SGCD: variants seen among roughly 807,000 people sequenced by gnomAD.
The protein encoded by SGCD is delta-sarcoglycan.
SGCD carries 18 observed loss-of-function variants against 36.6 expected under a neutral mutation model. The ratio of observed to expected loss-of-function variants is 0.49; its 90% CI spans 0.34 to 0.73. The LOEUF (loss-of-function observed/expected upper bound fraction) is 0.73. SGCD is among the 30% of genes least tolerant of loss of function. The probability of loss-of-function intolerance (pLI) is 0.01; values close to 1 mark genes in which losing one functional copy is unlikely to be tolerated. For missense variants in SGCD, 387 were observed against 346.7 expected (o/e 1.12, Z -0.92); for synonymous variants, 133 against 130.6 (o/e 1.02, Z -0.12).
intron 1 of SGCD, among the ~76,000 whole-genome samples, chr5:155,914,191 G>T (rs1410222813): frequency 6.6e-6 from 1 of 152,204 alleles, no homozygotes; most frequent in East Asian, 1.9e-4. Flanking sequence ...GTGGTTTTTA[G>T]GTGTGCCAGG....
chr5:156,023,512 A>G (rs1175171039), intron 1 of SGCD, among the ~76,000 whole-genome samples: 1 of 152,234 alleles, frequency 6.6e-6, no homozygotes, highest in Non-Finnish European at 1.5e-5. Flanking sequence ...TTACTTGTGC[A>G]TCTACTATTG....
rs190326125 is a variant in SGCD, at chr5:156,175,807, A to G, written c.-44+51788A>G. ...TAATATAATTGTGATGGTCCTAATC[A>G]ATAATAACAAAAGTAAATGTGATTA... On this transcript the variant is annotated intron_variant, in intron 3 of 9. Coordinates refer to the SGCD transcript ENST00000517913. Among the ~76,000 whole-genome samples, 455 of 152,240 alleles carry G rather than the reference A, an allele frequency of 3.0e-3. 1 individual carries two copies. The highest frequency in any genetic ancestry group is 0.014 in the Middle Eastern group (4 of 294).
At chr5:156,005,895 C>T (rs1758752931) in intron 1 of SGCD, among the ~76,000 whole-genome samples, 1 of 152,202 alleles carries the variant, frequency 6.6e-6, no homozygotes, top group East Asian at 1.9e-4. Flanking sequence ...GATCCGATGG[C>T]ACAAGCAGTG....
Position 156,237,442 on chromosome 5 carries a change from C to T in SGCD, c.-43-92092C>T, listed in dbSNP as rs547061844. ...GAGTTCTAGACCAGCCTGGCCAACACGGTGAAACCCCCTCTCTACTAAAAA... is the reference window on the plus strand; with the variant it reads ...GAGTTCTAGACCAGCCTGGCCAACATGGTGAAACCCCCTCTCTACTAAAAA... On this transcript the variant is annotated intron_variant, in intron 3 of 9. Transcript: ENST00000517913. Among the ~76,000 whole-genome samples the T allele has an allele frequency of 6.6e-5, 10 of 152,002 alleles. No individual in the cohort carries two copies. The East Asian group carries it at 7.8e-4, about 12-fold the overall frequency.
intron 1 of SGCD, among the ~76,000 whole-genome samples, chr5:155,894,890 G>A (rs1236989058): frequency 2.6e-5 from 4 of 152,102 alleles, no homozygotes; most frequent in African/African-American, 7.2e-5. Context: ...CACGATAAAC[G>A]TAATGTGCTT....
chr5:156,601,036 T>G (rs566697525), intron 6 of SGCD, among the ~76,000 whole-genome samples: 2 of 152,334 alleles, frequency 1.3e-5, no homozygotes, highest in African/African-American at 4.8e-5. Context: ...TCCTTTTGTA[T>G]TCTAGATATT....
At chr5:155,860,010 T>C in the SGCD span, among the ~76,000 whole-genome samples, 1 of 152,204 alleles carries the variant, frequency 6.6e-6, no homozygotes, top group Non-Finnish European at 1.5e-5. Flanking sequence ...TATCAGGACA[T>C]CTCTAGAGGC....
the SGCD span, among the ~76,000 whole-genome samples, chr5:155,818,287 A>G: frequency 1.3e-5 from 2 of 152,120 alleles, no homozygotes; most frequent in Admixed American, 1.3e-4. Context: ...AGGAGATTCT[A>G]GTAGGCAGCA....
Position 156,242,312 on chromosome 5 carries a change from C to CAGGATTAA in SGCD, c.-43-87218_-43-87211dup, listed in dbSNP as rs768587747. Among the ~76,000 whole-genome samples the CAGGATTAA allele has an allele frequency of 3.7e-4, 57 of 152,176 alleles. No individual in the cohort carries two copies. The South Asian group carries it at 4.1e-3, about 11-fold the overall frequency. The stretch of plus-strand genomic sequence containing the variant: ...TATAGAAGCTAGAGTAGATTAGTGG[C>CAGGATTAA]AGGATTAAAGGTGGTGGTGGTTTAG... On this transcript the variant is annotated intron_variant, in intron 3 of 9. Coordinates refer to the SGCD transcript ENST00000517913.
chr5:156,211,607 CAAAA>C (rs75891963), intron 3 of SGCD, among the ~76,000 whole-genome samples: 1 of 57,432 alleles, frequency 1.7e-5, no homozygotes. Context: ...GACTCAGACT[CAAAA>C]AAAAAAAAAA....
intron 1 of SGCD, among the ~76,000 whole-genome samples, chr5:156,004,240 C>T (rs1462085134): frequency 6.6e-6 from 1 of 152,086 alleles, no homozygotes; most frequent in Admixed American, 6.5e-5. Flanking sequence ...TCTTAAACAT[C>T]ATATTTATGT....
At chr5:156,309,378 G>A (rs1581234506) in intron 3 of SGCD, among the ~76,000 whole-genome samples, 1 of 151,810 alleles carries the variant, frequency 6.6e-6, no homozygotes, top group East Asian at 1.9e-4. Context: ...TATTGGTAAA[G>A]TCTATTGCTA....
chr5:156,681,691 C>A (rs553956954), intron 7 of SGCD, among the ~76,000 whole-genome samples: 8 of 152,252 alleles, frequency 5.3e-5, no homozygotes, highest in African/African-American at 1.9e-4. Context: ...GATAAAGAGT[C>A]TAGAATGTCA....
chr5:156,001,808 G>C (rs1758669701), intron 1 of SGCD, among the ~76,000 whole-genome samples: 1 of 152,232 alleles, frequency 6.6e-6, no homozygotes. Context: ...CAGGACTCGG[G>C]CGGAGCCCCA....
chr5:155,961,751 G>A (rs936190750), intron 1 of SGCD, among the ~76,000 whole-genome samples: 5 of 151,912 alleles, frequency 3.3e-5, no homozygotes, highest in African/African-American at 9.7e-5. Context: ...GGTTTGCTAC[G>A]GAATCACTTT....
At chr5:156,676,623 A>T (rs543530731) in intron 7 of SGCD, among the ~76,000 whole-genome samples, 1 of 152,274 alleles carries the variant, frequency 6.6e-6, no homozygotes, top group South Asian at 2.1e-4. Context: ...CATCCCACCC[A>T]AAAACCTTGA....
intron 3 of SGCD, among the ~76,000 whole-genome samples, chr5:156,350,572 CAG>C (rs1337214760): frequency 3.3e-5 from 5 of 152,012 alleles, no homozygotes; most frequent in Non-Finnish European, 7.4e-5. Context: ...TTCTTTGTCT[CAG>C]AGGTAAATCA....
At chr5:156,741,578 A>G (rs756631271) in intron 7 of SGCD, among the ~76,000 whole-genome samples, 2 of 151,010 alleles carry the variant, frequency 1.3e-5, no homozygotes, top group African/African-American at 4.9e-5. Context: ...GAGATGACCA[A>G]TTTTCTCCTT....
chr5:156,730,391 A>G (rs1180919506), intron 7 of SGCD, among the ~76,000 whole-genome samples: 1 of 152,106 alleles, frequency 6.6e-6, no homozygotes, highest in Non-Finnish European at 1.5e-5. Flanking sequence ...CCCTGCCAAA[A>G]TGCCCCAGTG....
Sources: gnomAD v4.1 joint callset for allele counts (sites outside exome capture counted in the v4.1 genomes callset) on GRCh38, gnomAD v4.1.1 for gene constraint, MANE v1.5 for transcripts, NCBI Gene and HGNC (gene_info 2026-07-23, HGNC 2026-07-21) for gene names.